The following PCDHGA11 variants were observed in gnomAD, a reference collection of about 807,000 sequenced individuals.
PCDHGA11 encodes the protein protocadherin gamma subfamily A, 11, also known as protocadherin gamma-A11.
A neutral mutation model predicts 60.4 loss-of-function variants in PCDHGA11; 39 were observed. That is an observed-to-expected ratio of 0.65 (90% CI 0.50 to 0.84). The LOEUF (loss-of-function observed/expected upper bound fraction) is 0.84. PCDHGA11 is among the 40% of genes least tolerant of loss of function. The pLI, the probability that PCDHGA11 is intolerant of heterozygous loss-of-function variation, is 0.00. For missense variants in PCDHGA11, 1,165 were observed against 1,197.7 expected, an observed-to-expected ratio of 0.97 and a Z score of 0.40; for synonymous variants, 533 against 510.3, an observed-to-expected ratio of 1.04 and a Z score of -0.60.
chr5:141,426,756 G>A, intron 1 of PCDHGA11: 1 of 456,302 alleles, frequency 2.2e-6, no homozygotes. Context: ...ATCTGCTATA[G>A]ATGCAGATGT....
chr5:141,486,121 T>G lies in PCDHGA11; in HGVS notation c.2434-8686T>G. The G allele has an allele frequency of 6.2e-7, 1 of 1,614,204 alleles. No homozygotes were observed. Among genetic ancestry groups the G allele is most frequent in the Non-Finnish European group, 8.5e-7 (1 of 1,180,036 alleles). Reference sequence around the variant, plus strand: ...TAGACTTTGAGAGTGAGAATTACTATGAATTTGATGTGCGGGCTCGCGATG... The same window carrying G: ...TAGACTTTGAGAGTGAGAATTACTAGGAATTTGATGTGCGGGCTCGCGATG... On this transcript the variant is annotated intron_variant, in intron 1 of 3. Transcript: ENST00000398587. The surrounding 1 kb of genome is among the most constrained non-coding windows in gnomAD (Gnocchi z 5.0).
At chr5:141,503,229 T>C (rs986982708) in intron 2 of PCDHGA11, among the ~76,000 whole-genome samples, 1 of 152,080 alleles carries the variant, frequency 6.6e-6, no homozygotes, top group African/African-American at 2.4e-5. Context: ...ACCGTAAAGA[T>C]GGACAGTTTC....
At chr5:141,495,052 CTGTT>C (rs1406995321) in intron 2 of PCDHGA11, among the ~76,000 whole-genome samples, 187 bp downstream of exon 2, 1 of 152,190 alleles carries the variant, frequency 6.6e-6, no homozygotes, top group Non-Finnish European at 1.5e-5. Context: ...ACTGCCCTGA[CTGTT>C]CAGGAAGCTC....
chr5:141,455,542 C>T (rs2154565110), intron 1 of PCDHGA11, among the ~76,000 whole-genome samples: 1 of 152,246 alleles, frequency 6.6e-6, no homozygotes, highest in African/African-American at 2.4e-5. Flanking sequence ...ATATCATTCA[C>T]GTAGCCCGAG....
intron 2 of PCDHGA11, among the ~76,000 whole-genome samples, chr5:141,503,824 C>G (rs1216231770): frequency 1.3e-5 from 2 of 152,058 alleles, no homozygotes; most frequent in South Asian, 4.1e-4. Context: ...TTGGGCAAAA[C>G]CAAAAGCAGG....
intron 1 of PCDHGA11, among the ~76,000 whole-genome samples, chr5:141,467,931 T>C (rs771009105): frequency 1.3e-5 from 2 of 151,966 alleles, no homozygotes; most frequent in Non-Finnish European, 2.9e-5. Flanking sequence ...AATGCTAGGA[T>C]TACAAGCATG....
At chr5:141,509,454 G>T (rs1164813611) in intron 3 of PCDHGA11, among the ~76,000 whole-genome samples, 2 of 151,976 alleles carry the variant, frequency 1.3e-5, no homozygotes, top group African/African-American at 2.4e-5. Flanking sequence ...TCCCACCCCC[G>T]ACCCAGTCAG....
In PCDHGA11 at chr5:141,500,452, G is replaced by A. The variant is rs554196222; in HGVS notation, c.2493-4941G>A. 2.6e-3 allele frequency among the ~76,000 whole-genome samples: 398 copies of A among 151,620 alleles called. 2 individuals carry two copies. The highest frequency in any genetic ancestry group is 0.021 in the South Asian group (99 of 4,798). On this transcript the variant is annotated intron_variant, in intron 2 of 3. Transcript: ENST00000398587. ...TCTCGATCTCCTGACCTCGTGATCC[G>A]CCCGCCTCGGCCTCCCAAAGTGCTG... is the stretch of plus-strand genomic sequence containing the variant.
Position 141,477,393 on chromosome 5 carries a change from G to A in PCDHGA11, c.2434-17414G>A, listed in dbSNP as rs1397453429. On this transcript the variant is annotated intron_variant, in intron 1 of 3. Transcript: ENST00000398587. This position sits in a 1 kb window ranked among gnomAD's most constrained non-coding sequence, Gnocchi z 4.9. The stretch of plus-strand genomic sequence containing the variant: ...GAGACTGTGCCAGAATACAACCTCA[G>A]CATCACCGCCCGAGACGCCGGAACC... The A allele has an allele frequency of 5.6e-6, 9 of 1,614,098 alleles. No individual in the cohort carries two copies. Among genetic ancestry groups the A allele is most frequent in the Non-Finnish European group, 7.6e-6 (9 of 1,180,028 alleles).
intron 2 of PCDHGA11, among the ~76,000 whole-genome samples, chr5:141,504,359 A>C (rs988295720): frequency 2.6e-5 from 4 of 152,044 alleles, no homozygotes; most frequent in African/African-American, 9.7e-5. Flanking sequence ...TAGGTGCTTC[A>C]GTAGGAAGCA....
chr5:141,423,080 T>C lies in PCDHGA11; in HGVS notation c.1853T>C (p.Phe618Ser). Residue 618 changes from phenylalanine to serine, a missense_variant, in exon 1 of 4, where the codon TTC (phenylalanine) becomes TCC (serine). Transcript: ENST00000398587. ...RLLKASEPGLFAVGEHTGEVR... is the reference protein window; with the variant it reads ...RLLKASEPGLSAVGEHTGEVR... ...CTTAAGGCCAGCGAGCCGGGACTCT[T>C]CGCGGTGGGGGAGCACACGGGCGAG... 1 of 1,614,050 alleles carries C rather than the reference T, an allele frequency of 6.2e-7. No homozygotes were observed. Among genetic ancestry groups the C allele is most frequent in the East Asian group, 2.2e-5 (1 of 44,872 alleles).
At chr5:141,438,548 C>T (rs1423036586) in intron 1 of PCDHGA11, among the ~76,000 whole-genome samples, 2 of 135,792 alleles carry the variant, frequency 1.5e-5, no homozygotes, top group Non-Finnish European at 3.1e-5. Context: ...ATATCTAAGC[C>T]CTAATAAGAG....
chr5:141,490,322 A>C lies in PCDHGA11; in HGVS notation c.2434-4485A>C. ...GCCTCTTTGGCCAACCCTGTCCTAGAGAGCACACCAGTGGGCACAGTAGTG... is the reference window on the plus strand; with the variant it reads ...GCCTCTTTGGCCAACCCTGTCCTAGCGAGCACACCAGTGGGCACAGTAGTG... On this transcript the variant is annotated intron_variant, in intron 1 of 3. Coordinates refer to ENST00000398587, the MANE Select transcript of PCDHGA11 (RefSeq NM_018914.3). This position sits in a 1 kb window ranked among gnomAD's most constrained non-coding sequence, Gnocchi z 5.4. The C allele has an allele frequency of 6.2e-7, 1 of 1,614,232 alleles. No individual in the cohort carries two copies. Among genetic ancestry groups the C allele is most frequent in the Non-Finnish European group, 8.5e-7 (1 of 1,180,038 alleles).
chr5:141,424,127 A>T (rs901831932), intron 1 of PCDHGA11: 1 of 486,538 alleles, frequency 2.1e-6, no homozygotes, highest in African/African-American at 2.1e-5. Flanking sequence ...GATCCTGTTG[A>T]TTTAATAGCA....
At chr5:141,506,910 G>C (rs1165112258) in intron 3 of PCDHGA11, among the ~76,000 whole-genome samples, 1 of 152,082 alleles carries the variant, frequency 6.6e-6, no homozygotes, top group Admixed American at 6.5e-5. Context: ...ATCACACCTG[G>C]GCACATACTA....
At chr5:141,436,486 C>A (rs2097826645) in intron 1 of PCDHGA11, among the ~76,000 whole-genome samples, 1 of 152,152 alleles carries the variant, frequency 6.6e-6, no homozygotes. Flanking sequence ...AGAAGGATAG[C>A]AGCTTTGCAA....
intron 1 of PCDHGA11, among the ~76,000 whole-genome samples, chr5:141,458,500 T>G (rs2098947037): frequency 6.6e-6 from 1 of 151,442 alleles, no homozygotes; most frequent in Admixed American, 6.6e-5. Context: ...CTGTACATAC[T>G]GTTTGACACT....
Position 141,476,543 on chromosome 5 carries a change from G to A in PCDHGA11, c.2434-18264G>A, listed in dbSNP as rs1419273574. 1 of 1,614,220 alleles carries A rather than the reference G, an allele frequency of 6.2e-7. No individual in the cohort carries two copies. Among genetic ancestry groups the A allele is most frequent in the South Asian group, 1.1e-5 (1 of 91,084 alleles). On this transcript the variant is annotated intron_variant, in intron 1 of 3. Transcript: ENST00000398587. The surrounding 1 kb of genome is among the most constrained non-coding windows in gnomAD (Gnocchi z 7.6). ...TTTCCCTACCCAGGAAATGAAATTG[G>A]AGATTAGCGAGGCCGTGGCTCCGGG...
chr5:141,430,705 T>C (rs914464861), intron 1 of PCDHGA11: 3 of 1,477,958 alleles, frequency 2.0e-6, no homozygotes, highest in African/African-American at 2.8e-5. Flanking sequence ...AAGGAACTGC[T>C]CCTGACTTCA....
Sources: allele counts gnomAD v4.1 joint callset (sites outside exome capture counted in the v4.1 genomes callset), GRCh38; gene constraint gnomAD v4.1.1; non-coding constraint Gnocchi (gnomAD v3.1); transcripts MANE v1.5; gene names NCBI Gene and HGNC (gene_info 2026-07-23, HGNC 2026-07-21).